Variants in ACSM2A observed in about 807,000 individuals in gnomAD.
ACSM2A encodes acyl-CoA synthetase medium chain family member 2A.
In ACSM2A, 72 loss-of-function variants were observed where a neutral mutation model predicts 76.6. That is an observed-to-expected ratio of 0.94 (90% CI 0.78 to 1.14). The LOEUF (loss-of-function observed/expected upper bound fraction) is 1.14, where lower values mean the gene tolerates loss of function less well. ACSM2A is among the 50% of genes most tolerant of loss of function. The pLI, the probability that ACSM2A is intolerant of heterozygous loss-of-function variation, is 0.00. For synonymous variants in ACSM2A, 249 were observed against 255.9 expected, an observed-to-expected ratio of 0.97 and a Z score of 0.26; for missense variants, 684 against 708.5, an observed-to-expected ratio of 0.97 and a Z score of 0.39.
intron 12 of ACSM2A, chr16:20,482,189 G>A (rs556710236): frequency 4.6e-5 from 7 of 151,704 alleles, no homozygotes; most frequent in Admixed American, 2.6e-4. Context: ...AAAGTGAAGT[G>A]CTTGGAACAA....
In ACSM2A at chr16:20,480,821, G is replaced by A; in HGVS notation, c.1410-1G>A. On this transcript the variant is annotated splice_acceptor_variant, in intron 11 of 13. Transcript: ENST00000573854. LOFTEE classifies it high-confidence loss of function. The stretch of plus-strand genomic sequence containing the variant: ...TCTCTGAAGGACAGGTTCTTCTGCA[G>A]GTACCGGATTGGACCCTCGGAGGTA... The A allele has an allele frequency of 6.2e-7, 1 of 1,613,956 alleles. No individual in the cohort carries two copies. Among genetic ancestry groups the A allele is most frequent in the Non-Finnish European group, 8.5e-7 (1 of 1,179,868 alleles).
chr16:20,463,307 T>C (rs1019910933), intron 2 of ACSM2A, among the ~76,000 whole-genome samples: 1 of 151,232 alleles, frequency 6.6e-6, no homozygotes, highest in African/African-American at 2.4e-5. Flanking sequence ...GAGAAGGACA[T>C]GAGAATTGGA....
chr16:20,452,388 G>A (rs1200117662), intron 1 of ACSM2A: 34 of 136,818 alleles, frequency 2.5e-4, no homozygotes, highest in Admixed American at 2.4e-3. Context: ...CAGACTCCAG[G>A]TTCTTCAGTT....
At position 20,487,359 on chromosome 16, in the gene ACSM2A, A is replaced by G. The variant is rs2014431959; in HGVS notation, c.*681A>G. On this transcript the variant is annotated 3_prime_UTR_variant, in exon 14 of 14. Transcript: ENST00000573854. ...CCGTGGCACCTTCTTATACCCTAGA[A>G]GAAGACCTCCATACAGGAAGACTTG... 6.6e-6 allele frequency: 1 copy of G among 152,308 alleles called. No individual in the cohort carries two copies. The highest frequency in any genetic ancestry group is 1.9e-4 in the East Asian group (1 of 5,204). 9.4% of individuals were successfully genotyped at this position (152,308 alleles called of 1,614,324 possible).
chr16:20,466,752 T>G (rs1359842062), intron 3 of ACSM2A, among the ~76,000 whole-genome samples: 1 of 152,190 alleles, frequency 6.6e-6, no homozygotes, highest in Non-Finnish European at 1.5e-5. Flanking sequence ...AGCTGGTCCA[T>G]CAGAATGCAA....
At position 20,483,027 on chromosome 16, in the gene ACSM2A, C is replaced by A. The variant is rs374516309; in HGVS notation, c.1510-31C>A. ...CCAGGAGATGACTACACACTCTAAT[C>A]CCTTCTCTCTGGCCTTCATCTTTTT... On this transcript the variant is annotated intron_variant, in intron 12 of 13. Coordinates refer to ENST00000573854, the MANE Select transcript of ACSM2A (RefSeq NM_001308172.2). 5 of 1,611,988 alleles carry A rather than the reference C, an allele frequency of 3.1e-6. No individual in the cohort carries two copies. In the African/African-American group the frequency reaches 4.0e-5, roughly 13 times the overall value.
Position 20,486,718 on chromosome 16 carries a change from C to G in ACSM2A, c.*40C>G. The G allele has an allele frequency of 1.2e-6, 2 of 1,609,058 alleles. No homozygotes were observed. The highest frequency in any genetic ancestry group is 1.7e-6 in the Non-Finnish European group (2 of 1,175,724). ...ATTCATTTGGATTCCCCTCTTCTTTCTCTTTCTTTTCCCTTTGGGCCCTTG... is the reference window on the plus strand; with the variant it reads ...ATTCATTTGGATTCCCCTCTTCTTTGTCTTTCTTTTCCCTTTGGGCCCTTG... On this transcript the variant is annotated 3_prime_UTR_variant, in exon 14 of 14. Coordinates refer to ENST00000573854, the MANE Select transcript of ACSM2A (RefSeq NM_001308172.2).
At chr16:20,481,441 C>T (rs2014075696) in intron 12 of ACSM2A, 1 of 155,094 alleles carries the variant, frequency 6.4e-6, no homozygotes, top group South Asian at 2.0e-4. Flanking sequence ...AACTGGAGGT[C>T]ATTATGTTAA....
chr16:20,454,351 A>T (rs1235295374), intron 1 of ACSM2A, among the ~76,000 whole-genome samples: 1 of 152,008 alleles, frequency 6.6e-6, no homozygotes, highest in African/African-American at 2.4e-5. Context: ...GACACTGGTG[A>T]AGCTGGGGTC....
intron 1 of ACSM2A, among the ~76,000 whole-genome samples, chr16:20,457,086 C>T (rs2012218689): frequency 1.3e-5 from 2 of 151,892 alleles, no homozygotes; most frequent in Admixed American, 1.3e-4. Context: ...AGATACAACC[C>T]TCCTAGCTTA....
rs1479149163 is a variant in ACSM2A at position 20,465,191 on chromosome 16, T to C, written c.178-326T>C. ...CAATAAATAAATAAAATAATGCCAC[T>C]TTCCTCATTATTTTTTCATTTTGAA... On this transcript the variant is annotated intron_variant, in intron 2 of 13. Coordinates refer to ENST00000573854, the MANE Select transcript of ACSM2A (RefSeq NM_001308172.2). 2.0e-5 allele frequency among the ~76,000 whole-genome samples: 3 copies of C among 152,186 alleles called. 1 individual carries two copies. The highest frequency in any genetic ancestry group is 4.4e-5 in the Non-Finnish European group (3 of 68,026).
intron 12 of ACSM2A, 141 bp downstream of exon 12, chr16:20,481,062 G>C: frequency 9.1e-7 from 1 of 1,095,846 alleles, no homozygotes; most frequent in Non-Finnish European, 1.3e-6. Flanking sequence ...ATGTGACCTT[G>C]GGCAAGCTAC....
chr16:20,468,606 C>A (rs916546004), intron 3 of ACSM2A, among the ~76,000 whole-genome samples: 3 of 152,186 alleles, frequency 2.0e-5, no homozygotes, highest in African/African-American at 7.2e-5. Flanking sequence ...ATAATCCACC[C>A]TCCTTGGCCT....
intron 2 of ACSM2A, among the ~76,000 whole-genome samples, chr16:20,462,851 T>C (rs1387258131): frequency 1.3e-5 from 2 of 152,066 alleles, no homozygotes; most frequent in Non-Finnish European, 2.9e-5. Flanking sequence ...AAATCAGGGT[T>C]TCTGAGGAAT....
chr16:20,477,277 A>G, intron 8 of ACSM2A, 92 bp from the exon 9 acceptor site: 2 of 1,515,818 alleles, frequency 1.3e-6, no homozygotes, highest in Non-Finnish European at 8.8e-7. Flanking sequence ...AGTTCAGGAC[A>G]GTGTCAGGAC....
At chr16:20,459,637 G>A (rs888211817) in intron 1 of ACSM2A, among the ~76,000 whole-genome samples, 4 of 152,158 alleles carry the variant, frequency 2.6e-5, no homozygotes, top group Non-Finnish European at 5.9e-5. Context: ...TAGAATCCCA[G>A]ACACTCACAT....
chr16:20,452,951 T>C (rs1165079674), intron 1 of ACSM2A, among the ~76,000 whole-genome samples: 4 of 152,104 alleles, frequency 2.6e-5, no homozygotes, highest in Non-Finnish European at 5.9e-5. Flanking sequence ...AGGAACATAA[T>C]GAAGCTGGTT....
intron 9 of ACSM2A, 102 bp from the exon 10 acceptor site, chr16:20,478,474 G>C (rs1324339301): frequency 7.2e-7 from 1 of 1,396,200 alleles, no homozygotes; most frequent in South Asian, 1.4e-5. Flanking sequence ...GTCTCCACTA[G>C]AGCAAGAGGG....
rs28556968 is a variant in ACSM2A at position 20,469,357 on chromosome 16, T to C, written c.389-155T>C. On this transcript the variant is annotated intron_variant, in intron 3 of 13. Transcript: ENST00000573854. Reference sequence around the variant, plus strand: ...GAATCCTAGGTTTCATTCACTCCCTTGTCCTTAGTTCCCTTTTTTATTGAC... The same window carrying C: ...GAATCCTAGGTTTCATTCACTCCCTCGTCCTTAGTTCCCTTTTTTATTGAC... Among the ~76,000 whole-genome samples, 3 of 151,992 alleles carry C rather than the reference T, an allele frequency of 2.0e-5. No individual in the cohort carries two copies. The South Asian group carries it at 6.2e-4, about 32-fold the overall frequency.
Sources: gnomAD v4.1 joint callset for allele counts (sites outside exome capture counted in the v4.1 genomes callset) on GRCh38, gnomAD v4.1.1 for gene constraint, MANE v1.5 for transcripts, NCBI Gene and HGNC (gene_info 2026-07-23, HGNC 2026-07-21) for gene names.